Variants in ATP10A observed in about 807,000 individuals in gnomAD.
The protein encoded by ATP10A is ATPase phospholipid transporting 10A (putative).
A neutral mutation model predicts 147.8 loss-of-function variants in ATP10A; 111 were observed. The ratio of observed to expected loss-of-function variants is 0.75; its 90% CI spans 0.64 to 0.88. ATP10A has a LOEUF of 0.88. ATP10A is among the 40% of genes least tolerant of loss of function. The probability of loss-of-function intolerance (pLI) is 0.00; values close to 1 mark genes in which losing one functional copy is unlikely to be tolerated. For missense variants in ATP10A, 1,927 were observed against 1,959.0 expected, an observed-to-expected ratio of 0.98 and a Z score of 0.31; for synonymous variants, 875 against 841.6, an observed-to-expected ratio of 1.04 and a Z score of -0.69.
chr15:25,714,059 C>T lies in ATP10A; in HGVS notation c.1959G>A (p.Arg653=), dbSNP rs770295819. The change falls in exon 10 of 21, where the codon AGG becomes AGA. Residue 653 remains arginine, a synonymous_variant. Transcript: ENST00000555815. ...TGGGCTGGCCCAGCCTCTCCTCCAGCCTGAGAAGCATGCCGTCGCTGGACG... is the reference window on the plus strand; with the variant it reads ...TGGGCTGGCCCAGCCTCTCCTCCAGTCTGAGAAGCATGCCGTCGCTGGACG... ...STPSSDGMLL[R]LEERLGQPTS... is the part of the protein sequence containing the mutation. 4 of 1,612,806 alleles carry T rather than the reference C, an allele frequency of 2.5e-6. No homozygotes were observed. The highest frequency in any genetic ancestry group is 3.4e-6 in the Non-Finnish European group (4 of 1,180,014).
At position 25,692,762 on chromosome 15, in the gene ATP10A, A is replaced by T. The variant is rs1900106518; in HGVS notation, c.3089-971T>A. Among the ~76,000 whole-genome samples, 3 of 152,292 alleles carry T rather than the reference A, an allele frequency of 2.0e-5. No individual in the cohort carries two copies. The South Asian group carries it at 6.2e-4, about 32-fold the overall frequency. ...ACATTATAAACCACTGGGCACTAGG[A>T]GTAGGTCACATTGATGCTTTAACGC... is the stretch of plus-strand genomic sequence containing the variant. On this transcript the variant is annotated intron_variant, in intron 14 of 20. Transcript: ENST00000555815.
Position 25,718,389 on chromosome 15 carries a change from C to T in ATP10A, c.1374G>A (p.Leu458=), listed in dbSNP as rs1901972206. ...CCGAGTCTGCCTCTTGGTACCTGGCCAGACGCTGCGCTGCGGGGAGAGGGC... is the reference window on the plus strand; with the variant it reads ...CCGAGTCTGCCTCTTGGTACCTGGCTAGACGCTGCGCTGCGGGGAGAGGGC... ...EYSHDANAQR[L]ARYQEADSEE... The change falls in exon 8 of 21, where the codon CTG becomes CTA. Residue 458 remains leucine, a synonymous_variant. Transcript: ENST00000555815. 1 of 1,599,912 alleles carries T rather than the reference C, an allele frequency of 6.3e-7. No homozygotes were observed. The highest frequency in any genetic ancestry group is 8.5e-7 in the Non-Finnish European group (1 of 1,175,972).
chr15:25,707,430 G>A lies in ATP10A; in HGVS notation c.2575+546C>T, dbSNP rs1243851874. ...ATTTAATGAATGCTTTAATAAATAG[G>A]AAAATAAATATTTTAAGTATTAAAG... On this transcript the variant is annotated intron_variant, in intron 12 of 20. Transcript: ENST00000555815. 3.3e-5 allele frequency among the ~76,000 whole-genome samples: 5 copies of A among 152,138 alleles called. No individual in the cohort carries two copies. The East Asian group carries it at 9.7e-4, about 29-fold the overall frequency.
rs552135521 is a variant in ATP10A at position 25,680,319 on chromosome 15, A to G, written c.3679-11T>C. On this transcript the variant is annotated splice_polypyrimidine_tract_variant and intron_variant, in intron 19 of 20. Transcript: ENST00000555815. Reference sequence around the variant, plus strand: ...CCAGTTGAGCCAGGTCTGAGGGGGAATGAGAAAGAAAGGGCTTTTATTTCC... The same window carrying G: ...CCAGTTGAGCCAGGTCTGAGGGGGAGTGAGAAAGAAAGGGCTTTTATTTCC... 15 of 1,611,906 alleles carry G rather than the reference A, an allele frequency of 9.3e-6. No individual in the cohort carries two copies. The South Asian group carries it at 9.9e-5, about 11-fold the overall frequency.
Position 25,721,646 on chromosome 15 carries a change from C to T in ATP10A, c.1363+11G>A. On this transcript the variant is annotated intron_variant, in intron 7 of 20. Coordinates refer to ENST00000555815, the MANE Select transcript of ATP10A (RefSeq NM_024490.4). Reference sequence around the variant, plus strand: ...CAGCCTGGGTTGGGAGCCCCGCACCCCCAGACTCACCATTTGCATCATGAG... The same window carrying T: ...CAGCCTGGGTTGGGAGCCCCGCACCTCCAGACTCACCATTTGCATCATGAG... The T allele has an allele frequency of 6.2e-7, 1 of 1,610,014 alleles. No homozygotes were observed. Among genetic ancestry groups the T allele is most frequent in the South Asian group, 1.1e-5 (1 of 90,798 alleles).
At chr15:25,725,426 G>GGGA (rs2140440312) in intron 5 of ATP10A, among the ~76,000 whole-genome samples, 1 of 152,188 alleles carries the variant, frequency 6.6e-6, no homozygotes, top group Admixed American at 6.5e-5. Flanking sequence ...GTTATAGAGG[G>GGGA]GGAGTCCTGG....
At chr15:25,747,391 T>A (rs532865011) in intron 2 of ATP10A, among the ~76,000 whole-genome samples, 1 of 151,770 alleles carries the variant, frequency 6.6e-6, no homozygotes, top group Non-Finnish European at 1.5e-5. Flanking sequence ...TACTTGACTA[T>A]ATTAAGGAAT....
At chr15:25,859,576 C>T (rs1006969648) in intron 1 of ATP10A, among the ~76,000 whole-genome samples, 8 of 151,936 alleles carry the variant, frequency 5.3e-5, no homozygotes, top group African/African-American at 1.9e-4. Flanking sequence ...CAGGACCTAA[C>T]CCCCCCAGAA....
At chr15:25,718,141 G>T (rs770555887) in intron 8 of ATP10A, 41 bp downstream of exon 8, 9 of 1,584,578 alleles carry the variant, frequency 5.7e-6, no homozygotes, top group Non-Finnish European at 7.8e-6. Flanking sequence ...AAATGGGGAA[G>T]AGACGTGGCA....
At chr15:25,747,287 C>CAAAAA (rs34660034) in intron 2 of ATP10A, among the ~76,000 whole-genome samples, 2 of 113,240 alleles carry the variant, frequency 1.8e-5, no homozygotes, top group Non-Finnish European at 3.7e-5. Context: ...AACTCCATCT[C>CAAAAA]AAAAAAAAAA....
intron 2 of ATP10A, among the ~76,000 whole-genome samples, chr15:25,746,099 C>T (rs1887832313): frequency 6.6e-6 from 1 of 152,066 alleles, no homozygotes; most frequent in Admixed American, 6.6e-5. Flanking sequence ...AATTTAAAAA[C>T]TCAAGACTAT....
chr15:25,747,019 G>A (rs1168561528), intron 2 of ATP10A, among the ~76,000 whole-genome samples: 1 of 152,064 alleles, frequency 6.6e-6, no homozygotes, highest in African/African-American at 2.4e-5. Context: ...AACTTGGCTG[G>A]CTCACGCCTG....
intron 1 of ATP10A, among the ~76,000 whole-genome samples, chr15:25,860,668 G>A (rs1281041490): frequency 1.3e-5 from 2 of 152,140 alleles, no homozygotes; most frequent in Non-Finnish European, 2.9e-5. Context: ...GAGTGGAAGG[G>A]GAGGGGAACG....
At position 25,816,687 on chromosome 15, in the gene ATP10A, C is replaced by T. The variant is rs567860574; in HGVS notation, c.450-35464G>A. Among the ~76,000 whole-genome samples the T allele has an allele frequency of 1.4e-3, 213 of 152,206 alleles. 5 individuals are homozygous for T. In the South Asian group the frequency reaches 0.042, roughly 30 times the overall value. Reference sequence around the variant, plus strand: ...GTGATAATGCTATTCAATTCTGAGACGGTATGATATTGTAAAGAATTAACA... The same window carrying T: ...GTGATAATGCTATTCAATTCTGAGATGGTATGATATTGTAAAGAATTAACA... On this transcript the variant is annotated intron_variant, in intron 1 of 20. Coordinates refer to ENST00000555815, the MANE Select transcript of ATP10A (RefSeq NM_024490.4).
chr15:25,844,001 C>T (rs1319894697), intron 1 of ATP10A, among the ~76,000 whole-genome samples: 1 of 152,132 alleles, frequency 6.6e-6, no homozygotes, highest in East Asian at 1.9e-4. Flanking sequence ...ACAGCGCCCA[C>T]CACAGTGGAT....
At position 25,764,785 on chromosome 15, in the gene ATP10A, ACT is replaced by A. The variant is rs1343349320; in HGVS notation, c.654+16232_654+16233del. ...ATCACCTGAAATACAAAGGGTTATC[ACT>A]CAGCCTATGATGCTAGAAACCGCAG... On this transcript the variant is annotated intron_variant, in intron 2 of 20. Transcript: ENST00000555815. Among the ~76,000 whole-genome samples the A allele has an allele frequency of 4.6e-5, 7 of 152,188 alleles. No homozygotes were observed. In the East Asian group the frequency reaches 1.4e-3, roughly 29 times the overall value.
chr15:25,852,447 G>A (rs923899754), intron 1 of ATP10A, among the ~76,000 whole-genome samples: 2 of 152,044 alleles, frequency 1.3e-5, no homozygotes, highest in African/African-American at 4.8e-5. Context: ...AACCAATATC[G>A]CAAAATATGG....
At chr15:25,780,431 A>G (rs1219024558) in intron 2 of ATP10A, among the ~76,000 whole-genome samples, 1 of 152,194 alleles carries the variant, frequency 6.6e-6, no homozygotes, top group East Asian at 1.9e-4. Context: ...CACTCCCGGC[A>G]CAGACCTGGC....
intron 1 of ATP10A, among the ~76,000 whole-genome samples, chr15:25,826,646 T>G (rs1312263784): frequency 6.6e-6 from 1 of 152,064 alleles, no homozygotes; most frequent in Non-Finnish European, 1.5e-5. Flanking sequence ...AATATAAAAA[T>G]TAGCCAGATG....
Sources: gnomAD v4.1 joint callset for allele counts (sites outside exome capture counted in the v4.1 genomes callset) on GRCh38, gnomAD v4.1.1 for gene constraint, MANE v1.5 for transcripts, NCBI Gene and HGNC (gene_info 2026-07-23, HGNC 2026-07-21) for gene names.